The following GLIPR1L2 variants were observed in gnomAD, a reference collection of about 807,000 sequenced individuals.
GLIPR1L2 encodes GLIPR1-like protein 2.
GLIPR1L2 carries 21 observed loss-of-function variants against 28.4 expected under a neutral mutation model. The observed-to-expected ratio is 0.74, with a 90% CI of 0.52 to 1.06. GLIPR1L2 has a LOEUF of 1.06. Among genes scored for constraint, GLIPR1L2 ranks in the 50% least tolerant of loss-of-function variants. The pLI, the probability that GLIPR1L2 is intolerant of heterozygous loss-of-function variation, is 0.00. For synonymous variants in GLIPR1L2, 145 were observed against 139.3 expected (o/e 1.04, Z -0.29); for missense variants, 476 against 416.9 (o/e 1.14, Z -1.23).
At chr12:75,421,896 A>G in intron 3 of GLIPR1L2, among the ~76,000 whole-genome samples, 1 of 152,196 alleles carries the variant, frequency 6.6e-6, no homozygotes, top group East Asian at 1.9e-4. Context: ...GATACTTAAT[A>G]TATCATTTCT....
At chr12:75,413,525 ATAT>A (rs1425639619) in intron 2 of GLIPR1L2, 70 bp from the exon 3 acceptor site, 11 of 823,530 alleles carry the variant, frequency 1.3e-5, no homozygotes, top group Non-Finnish European at 2.2e-5. Context: ...TGAATGGAAT[ATAT>A]TATTGTTTAT....
chr12:75,393,308 A>C (rs2045650401), intron 1 of GLIPR1L2, among the ~76,000 whole-genome samples: 1 of 152,056 alleles, frequency 6.6e-6, no homozygotes, highest in African/African-American at 2.4e-5. Context: ...GTACATTTGC[A>C]TTGTTGTGCA....
chr12:75,417,241 A>C (rs2045931964), intron 3 of GLIPR1L2, among the ~76,000 whole-genome samples: 1 of 152,114 alleles, frequency 6.6e-6, no homozygotes, highest in African/African-American at 2.4e-5. Context: ...AGGATTCAGC[A>C]TAAGACACAC....
intron 4 of GLIPR1L2, among the ~76,000 whole-genome samples, chr12:75,426,327 T>A (rs778630709): frequency 1.3e-5 from 2 of 152,180 alleles, no homozygotes; most frequent in Non-Finnish European, 2.9e-5. Context: ...ATTTTAGCAA[T>A]AAAGTATTTA....
At chr12:75,408,221 T>C (rs1015872343) in intron 1 of GLIPR1L2, among the ~76,000 whole-genome samples, 41 of 152,052 alleles carry the variant, frequency 2.7e-4, no homozygotes, top group African/African-American at 9.7e-4. Flanking sequence ...TTTTCAATTA[T>C]GATTTTTATT....
In GLIPR1L2 at chr12:75,419,708, T is replaced by A. The variant is rs191468815; in HGVS notation, c.585-3196T>A. On this transcript the variant is annotated intron_variant, in intron 3 of 5. Transcript: ENST00000550916. ...TAACTGTGTTCCACAGTCCTTTAGGTGCAGGATATGTTAAGTGAAGGGAGG... is the reference window on the plus strand; with the variant it reads ...TAACTGTGTTCCACAGTCCTTTAGGAGCAGGATATGTTAAGTGAAGGGAGG... Among the ~76,000 whole-genome samples, 120 of 152,294 alleles carry A rather than the reference T, an allele frequency of 7.9e-4. 1 individual carries two copies. The highest frequency in any genetic ancestry group is 2.8e-3 in the African/African-American group (116 of 41,542).
At chr12:75,430,657 T>C in intron 4 of GLIPR1L2, 58 bp from the exon 5 acceptor site, 2 of 1,448,446 alleles carry the variant, frequency 1.4e-6, no homozygotes, top group Non-Finnish European at 1.9e-6. Flanking sequence ...GATTATCTTA[T>C]TTTTTAGACA....
At position 75,406,341 on chromosome 12, in the gene GLIPR1L2, T is replaced by A. The variant is rs201239842; in HGVS notation, c.235-4093T>A. On this transcript the variant is annotated intron_variant, in intron 1 of 5. Transcript: ENST00000550916. ...ATGAAACCTTAATTTTGAACTGAACTTGAAATTTCCCAGAACCATAGACTA... is the reference window on the plus strand; with the variant it reads ...ATGAAACCTTAATTTTGAACTGAACATGAAATTTCCCAGAACCATAGACTA... Among the ~76,000 whole-genome samples the A allele has an allele frequency of 2.2e-4, 33 of 152,298 alleles. No individual in the cohort carries two copies. The East Asian group carries it at 5.6e-3, about 26-fold the overall frequency.
chr12:75,392,147 C>G (rs1267276911), intron 1 of GLIPR1L2, among the ~76,000 whole-genome samples: 1 of 152,176 alleles, frequency 6.6e-6, no homozygotes, highest in Admixed American at 6.5e-5. Flanking sequence ...ATTGCAAGGA[C>G]TACTTTCCTA....
At chr12:75,393,408 C>T (rs1388793525) in intron 1 of GLIPR1L2, among the ~76,000 whole-genome samples, 1 of 152,066 alleles carries the variant, frequency 6.6e-6, no homozygotes, top group Non-Finnish European at 1.5e-5. Context: ...CTCCATCTCC[C>T]CTCCTCCCAG....
chr12:75,430,876 T>A lies in GLIPR1L2; in HGVS notation c.750T>A (p.Asp250Glu). 1.3e-6 allele frequency: 2 copies of A among 1,535,844 alleles called. No individual in the cohort carries two copies. The highest frequency in any genetic ancestry group is 2.4e-5 in the South Asian group (2 of 84,028). Residue 250 changes from aspartate (D) to glutamate (E), a missense_variant, in exon 6 of 6, where the codon GAT (aspartate) becomes GAA (glutamate). Transcript: ENST00000550916. ...KWEMPRPVVCDPLCTFILLLR... is the reference protein window; with the variant it reads ...KWEMPRPVVCEPLCTFILLLR... ...AAATGCCCCGGCCAGTTGTGTGTGA[T>A]CCACTGTGCACATTCATTTTATTAT...
At chr12:75,425,888 T>C (rs2046029633) in intron 4 of GLIPR1L2, among the ~76,000 whole-genome samples, 2 of 151,976 alleles carry the variant, frequency 1.3e-5, no homozygotes, top group South Asian at 4.1e-4. Flanking sequence ...ATGAATCTTA[T>C]GGTGGTGAAT....
At chr12:75,422,744 C>A (rs536723731) in intron 3 of GLIPR1L2, among the ~76,000 whole-genome samples, 160 bp from the exon 4 acceptor site, 1 of 152,256 alleles carries the variant, frequency 6.6e-6, no homozygotes, top group East Asian at 1.9e-4. Flanking sequence ...TAGGGGAGAA[C>A]AAAAGGGAAA....
intron 1 of GLIPR1L2, among the ~76,000 whole-genome samples, chr12:75,397,675 G>A (rs1345393775): frequency 1.3e-5 from 2 of 152,150 alleles, no homozygotes; most frequent in African/African-American, 4.8e-5. Flanking sequence ...GGCAATGTAA[G>A]TATAGTGTCC....
intron 1 of GLIPR1L2, among the ~76,000 whole-genome samples, chr12:75,401,382 GA>G (rs548271223): frequency 1.3e-4 from 20 of 148,916 alleles, no homozygotes; most frequent in South Asian, 2.1e-4. Flanking sequence ...CTATGTATTG[GA>G]AAAAAAAAGG....
chr12:75,419,624 G>A (rs1212964179), intron 3 of GLIPR1L2, among the ~76,000 whole-genome samples: 2 of 152,166 alleles, frequency 1.3e-5, no homozygotes, highest in Non-Finnish European at 1.5e-5. Context: ...TTAGAGGATG[G>A]CACAGCTAAA....
rs1336786276 is a variant in GLIPR1L2 at position 75,413,802 on chromosome 12, A to T, written c.584+101A>T. The stretch of plus-strand genomic sequence containing the variant: ...TTTTTATAAGTGTTTTTGAACTATA[A>T]AATAAATATACTTTACATTGAAATA... On this transcript the variant is annotated intron_variant, in intron 3 of 5. Transcript: ENST00000550916. 3 of 519,016 alleles carry T rather than the reference A, an allele frequency of 5.8e-6. No homozygotes were observed. In the Admixed American group the frequency reaches 1.1e-4, roughly 19 times the overall value. 32.2% of individuals were successfully genotyped at this position (519,016 alleles called of 1,614,324 possible).
chr12:75,429,941 T>TC (rs992902118), intron 4 of GLIPR1L2, among the ~76,000 whole-genome samples: 4 of 143,712 alleles, frequency 2.8e-5, no homozygotes, highest in Non-Finnish European at 3.0e-5. Context: ...TTTCTTTCTT[T>TC]TTTTTTTTTT....
At chr12:75,398,557 CCTT>C (rs1428955621) in intron 1 of GLIPR1L2, among the ~76,000 whole-genome samples, 1 of 152,002 alleles carries the variant, frequency 6.6e-6, no homozygotes, top group Non-Finnish European at 1.5e-5. Flanking sequence ...AGAATCCCTC[CCTT>C]CTTTTTCTGA....
Sources: allele counts gnomAD v4.1 joint callset (sites outside exome capture counted in the v4.1 genomes callset), GRCh38; gene constraint gnomAD v4.1.1; transcripts MANE v1.5; gene names NCBI Gene and HGNC (gene_info 2026-07-23, HGNC 2026-07-21).